Variants in ERI3 observed in about 807,000 individuals in gnomAD.
ERI3 encodes the protein ERI1 exoribonuclease 3.
In ERI3, 18 loss-of-function variants were observed where a neutral mutation model predicts 44.4. The ratio of observed to expected loss-of-function variants is 0.41; its 90% CI spans 0.28 to 0.60. The LOEUF (loss-of-function observed/expected upper bound fraction) is 0.60, where lower values mean the gene tolerates loss of function less well. Ranked by LOEUF, ERI3 falls within the 20% of genes least tolerant of loss-of-function variation. ERI3 has a pLI of 0.36. For synonymous variants in ERI3, 183 were observed against 164.8 expected, an observed-to-expected ratio of 1.11 and a Z score of -0.84; for missense variants, 294 against 435.5, an observed-to-expected ratio of 0.68 and a Z score of 2.89.
chr1:44,267,796 C>T (rs898042675), intron 7 of ERI3, among the ~76,000 whole-genome samples: 1 of 152,226 alleles, frequency 6.6e-6, no homozygotes, highest in African/African-American at 2.4e-5. Context: ...CCTGTGCAAA[C>T]TCAAGCCTAC....
At chr1:44,226,900 G>T (rs1644057712) in intron 8 of ERI3, among the ~76,000 whole-genome samples, 1 of 150,968 alleles carries the variant, frequency 6.6e-6, no homozygotes, top group Admixed American at 6.6e-5. Context: ...TTTGTGTGTG[G>T]TAAGAAATAA....
chr1:44,347,195 G>A (rs970446775), intron 2 of ERI3, among the ~76,000 whole-genome samples: 1 of 152,152 alleles, frequency 6.6e-6, no homozygotes, highest in Non-Finnish European at 1.5e-5. Context: ...TTGAGGCAAA[G>A]TGTAACTTTA....
At chr1:44,351,599 C>G (rs1403468425) in intron 2 of ERI3, among the ~76,000 whole-genome samples, 2 of 152,198 alleles carry the variant, frequency 1.3e-5, no homozygotes, top group African/African-American at 4.8e-5. Flanking sequence ...TAAATATTTA[C>G]TATCTTATCC....
intron 6 of ERI3, among the ~76,000 whole-genome samples, chr1:44,289,797 A>G (rs563647705): frequency 1.6e-4 from 24 of 152,378 alleles, no homozygotes; most frequent in African/African-American, 5.8e-4. Context: ...GCCACGGTGA[A>G]GCCCTTGTGA....
intron 8 of ERI3, among the ~76,000 whole-genome samples, chr1:44,231,793 G>C (rs2154316031): frequency 6.6e-6 from 1 of 152,346 alleles, no homozygotes; most frequent in South Asian, 2.1e-4. Context: ...TTGGCACAGG[G>C]ATGGGCATGT....
chr1:44,271,254 G>C (rs933098476), intron 7 of ERI3, among the ~76,000 whole-genome samples: 2 of 152,166 alleles, frequency 1.3e-5, no homozygotes, highest in African/African-American at 2.4e-5. Context: ...GTCCACATGA[G>C]TAGCTTAAAA....
intron 7 of ERI3, among the ~76,000 whole-genome samples, chr1:44,274,571 C>T (rs868360213): frequency 5.3e-5 from 8 of 152,140 alleles, no homozygotes; most frequent in Non-Finnish European, 1.0e-4. Flanking sequence ...CCTCTAGCTC[C>T]AGCAGCCCCT....
upstream of ERI3, chr1:44,355,264 G>C (rs972873660): frequency 2.6e-6 from 3 of 1,153,948 alleles, no homozygotes; most frequent in Non-Finnish European, 2.1e-6. Flanking sequence ...ACTCACCTCC[G>C]CGCACTCTGA....
chr1:44,342,811 T>TAATATATATATATATATATATA (rs1491348907), intron 2 of ERI3, among the ~76,000 whole-genome samples: 11 of 70,874 alleles, frequency 1.6e-4, no homozygotes, highest in South Asian at 5.1e-4. Context: ...CACATCCAGC[T>TAATATATATATATATATATATA]AATATATATA....
intron 2 of ERI3, 100 bp downstream of exon 2, chr1:44,352,750 A>G (rs1055802652): frequency 2.9e-5 from 37 of 1,293,682 alleles, no homozygotes; most frequent in Non-Finnish European, 3.6e-5. Context: ...GATACATGGG[A>G]AAAAAAATAC....
At chr1:44,314,919 C>T (rs1459775721) in intron 4 of ERI3, among the ~76,000 whole-genome samples, 3 of 152,210 alleles carry the variant, frequency 2.0e-5, no homozygotes, top group East Asian at 1.9e-4. Context: ...AGCCGCAAAC[C>T]GAGCAGGCAG....
At chr1:44,222,561 T>A (rs1643926797) in intron 8 of ERI3, among the ~76,000 whole-genome samples, 1 of 152,168 alleles carries the variant, frequency 6.6e-6, no homozygotes, top group Admixed American at 6.5e-5. Flanking sequence ...GGCCTCAGCG[T>A]CATGGACATG....
chr1:44,229,196 T>C (rs781263542), intron 8 of ERI3, among the ~76,000 whole-genome samples: 2 of 151,956 alleles, frequency 1.3e-5, no homozygotes, highest in East Asian at 1.9e-4. Flanking sequence ...GGCCAGAACC[T>C]GGATCAGGGA....
At position 44,252,270 on chromosome 1, in the gene ERI3, G is replaced by A. The variant is rs968814627; in HGVS notation, c.832-4232C>T. 2.0e-5 allele frequency among the ~76,000 whole-genome samples: 3 copies of A among 152,212 alleles called. No individual in the cohort carries two copies. The highest frequency in any genetic ancestry group is 1.9e-4 in the East Asian group (1 of 5,194). On this transcript the variant is annotated intron_variant, in intron 7 of 8. Transcript: ENST00000372257. The surrounding 1 kb of genome is among the most constrained non-coding windows in gnomAD (Gnocchi z 4.7). The stretch of plus-strand genomic sequence containing the variant: ...CTGTGCCAGGCAGGCACGCACACAC[G>A]CTTCCCTTCCCCTGGGCTGCTGCAA...
intron 8 of ERI3, among the ~76,000 whole-genome samples, chr1:44,238,037 C>T (rs897038785): frequency 1.3e-5 from 2 of 152,198 alleles, no homozygotes; most frequent in African/African-American, 2.4e-5. Context: ...CTCGGCCCTA[C>T]GCGGCCTCTG....
intron 6 of ERI3, among the ~76,000 whole-genome samples, chr1:44,291,079 T>C (rs889687236): frequency 6.6e-6 from 1 of 152,170 alleles, no homozygotes; most frequent in Non-Finnish European, 1.5e-5. Context: ...ACACAATGTG[T>C]CACCACTGCA....
chr1:44,286,808 G>A (rs564915759), intron 6 of ERI3, among the ~76,000 whole-genome samples: 88 of 152,234 alleles, frequency 5.8e-4, no homozygotes, highest in Non-Finnish European at 9.6e-4. Flanking sequence ...TTTCCTCACA[G>A]AACCCTTCCA....
At chr1:44,275,432 G>GA (rs1645163389) in intron 7 of ERI3, among the ~76,000 whole-genome samples, 1 of 152,206 alleles carries the variant, frequency 6.6e-6, no homozygotes, top group Non-Finnish European at 1.5e-5. Flanking sequence ...TTAAGGCCGA[G>GA]AATTTATTCC....
intron 7 of ERI3, among the ~76,000 whole-genome samples, chr1:44,266,987 A>G (rs1279021127): frequency 1.3e-5 from 2 of 152,210 alleles, no homozygotes; most frequent in Non-Finnish European, 2.9e-5. Flanking sequence ...AGAGAAGGGA[A>G]GCTGAAGGGA....
Sources: allele counts gnomAD v4.1 joint callset (sites outside exome capture counted in the v4.1 genomes callset), GRCh38; gene constraint gnomAD v4.1.1; non-coding constraint Gnocchi (gnomAD v3.1); transcripts MANE v1.5; gene names NCBI Gene and HGNC (gene_info 2026-07-23, HGNC 2026-07-21).